The following KIAA1671 variants were observed in gnomAD, a reference collection of about 807,000 sequenced individuals.
KIAA1671 encodes the protein KIAA1671.
KIAA1671 carries 52 observed loss-of-function variants against 131.2 expected under a neutral mutation model. The observed-to-expected ratio is 0.40, with a 90% CI of 0.32 to 0.50. KIAA1671 has a LOEUF of 0.50. Ranked by LOEUF, KIAA1671 falls within the 20% of genes least tolerant of loss-of-function variation. The probability of loss-of-function intolerance (pLI) is 0.73; values close to 1 mark genes in which losing one functional copy is unlikely to be tolerated. For missense variants in KIAA1671, 2,360 were observed against 2,364.2 expected (o/e 1.00, Z 0.04); for synonymous variants, 1,003 against 961.6 (o/e 1.04, Z -0.80).
In KIAA1671 at chr22:25,190,291, G is replaced by C. The variant is rs188127686; in HGVS notation, c.5343-411G>C. On this transcript the variant is annotated intron_variant, in intron 11 of 12. Transcript: ENST00000358431. ...CCCTTGCATGCACAGTTCACAATAG[G>C]GTTCACACTCCTATGAGAATCTAAT... Among the ~76,000 whole-genome samples, 528 of 152,142 alleles carry C rather than the reference G, an allele frequency of 3.5e-3. 10 individuals are homozygous for C. Among genetic ancestry groups the C allele is most frequent in the Admixed American group, 0.019 (287 of 15,270 alleles).
At position 25,049,235 on chromosome 22, in the gene KIAA1671, G is replaced by T. The variant is rs1259970082; in HGVS notation, c.4401G>T (p.Leu1467=). 6 of 1,551,910 alleles carry T rather than the reference G, an allele frequency of 3.9e-6. No homozygotes were observed. The African/African-American group carries it at 8.2e-5, about 21-fold the overall frequency. ...TCTTGTGCTCTGTGTTTCAGGTGCT[G>T]CCACGGGACCTGGAGAAGGAGGATG... ...ESGTGDSHKV[L]PRDLEKEDAP... is the part of the protein sequence containing the mutation. Residue 1467 remains leucine, a synonymous_variant, in exon 6 of 13, where the codon CTG becomes CTT. Transcript: ENST00000358431.
chr22:25,077,740 T>G (rs759284145), intron 6 of KIAA1671, among the ~76,000 whole-genome samples: 1 of 152,188 alleles, frequency 6.6e-6, no homozygotes, highest in Non-Finnish European at 1.5e-5. Flanking sequence ...ATTGTGTTTC[T>G]AAGCTTCATG....
At position 25,069,873 on chromosome 22, in the gene KIAA1671, C is replaced by T. The variant is rs140196341; in HGVS notation, c.4530+20509C>T. The T allele has an allele frequency of 4.8e-3, 728 of 152,872 alleles. 3 individuals are homozygous for T. Among genetic ancestry groups the T allele is most frequent in the African/African-American group, 0.015 (639 of 41,586 alleles). The allele number at this position is 152,872 out of a possible 1,614,324, so 9.5% of individuals were successfully genotyped here. Reference sequence around the variant, plus strand: ...AGCACACAGTCAGTCCACACATGCACAAAACACACTCGTATGCACACATGC... The same window carrying T: ...AGCACACAGTCAGTCCACACATGCATAAAACACACTCGTATGCACACATGC... On this transcript the variant is annotated intron_variant, in intron 6 of 12. Coordinates refer to ENST00000358431, the MANE Select transcript of KIAA1671 (RefSeq NM_001145206.2).
chr22:25,039,041 T>C lies in KIAA1671; in HGVS notation c.1911T>C (p.Pro637=). ...GACGTTGTCTCTCCACCACACCCCC[T>C]GGTGACATGGCCCATGCCCGTGTCT... ...QSGRCLSTTP[P]GDMAHARVSE... The change falls in exon 5 of 13, where the codon CCT becomes CCC. Residue 637 remains proline, a synonymous_variant. Transcript: ENST00000358431. The C allele has an allele frequency of 6.4e-7, 1 of 1,551,662 alleles. No individual in the cohort carries two copies. The highest frequency in any genetic ancestry group is 1.2e-5 in the South Asian group (1 of 84,060).
intron 6 of KIAA1671, among the ~76,000 whole-genome samples, chr22:25,169,159 G>A (rs981354512): frequency 1.3e-5 from 2 of 152,092 alleles, no homozygotes; most frequent in Non-Finnish European, 1.5e-5. Flanking sequence ...ACCATGCAAT[G>A]TAATTGCAAT....
chr22:25,033,173 C>T (rs918700540), intron 4 of KIAA1671, among the ~76,000 whole-genome samples: 39 of 151,996 alleles, frequency 2.6e-4, no homozygotes, highest in African/African-American at 8.2e-4. Context: ...ATTGCTTGAG[C>T]CCAAGAGTTT....
rs140849253 is a variant in KIAA1671 at position 25,072,618 on chromosome 22, G to A, written c.4530+23254G>A. 1.8e-3 allele frequency among the ~76,000 whole-genome samples: 277 copies of A among 152,284 alleles called. 1 individual carries two copies. The East Asian group carries it at 0.021, about 12-fold the overall frequency. ...GGAAACTCTTGCTTGACCTCTCAAG[G>A]AAGCTTGGGAATGTGGACCTGGATT... On this transcript the variant is annotated intron_variant, in intron 6 of 12. Coordinates refer to ENST00000358431, the MANE Select transcript of KIAA1671 (RefSeq NM_001145206.2).
intron 9 of KIAA1671, chr22:25,179,695 A>G: frequency 1.7e-6 from 1 of 601,634 alleles, no homozygotes; most frequent in Non-Finnish European, 2.9e-6. Context: ...TAGTATATTA[A>G]TTGAGGCTCT....
intron 1 of KIAA1671, among the ~76,000 whole-genome samples, chr22:25,008,887 GT>G (rs2123873269): frequency 6.6e-6 from 1 of 152,358 alleles, no homozygotes; most frequent in African/African-American, 2.4e-5. Flanking sequence ...AAATAGGTCT[GT>G]TGTCATGCCC....
In KIAA1671 at chr22:25,181,915, C is replaced by T. The variant is rs866880086; in HGVS notation, c.5199+92C>T. On this transcript the variant is annotated intron_variant, in intron 10 of 12. Coordinates refer to ENST00000358431, the MANE Select transcript of KIAA1671 (RefSeq NM_001145206.2). ...GATTCCGGCTGGGTGCAGTGGCTCACGCCTGTAATCCCAGCACTTTGGGAG... is the reference window on the plus strand; with the variant it reads ...GATTCCGGCTGGGTGCAGTGGCTCATGCCTGTAATCCCAGCACTTTGGGAG... The T allele has an allele frequency of 4.3e-6, 6 of 1,394,776 alleles. No homozygotes were observed. The African/African-American group carries it at 4.3e-5, about 10-fold the overall frequency. The allele number at this position is 1,394,776 out of a possible 1,614,324, so 86.4% of individuals were successfully genotyped here. A position where few individuals can be genotyped will look rare whatever the true frequency, so the allele number is the denominator to read the frequency against.
chr22:25,068,669 C>T (rs915647561), intron 6 of KIAA1671, among the ~76,000 whole-genome samples: 1 of 152,166 alleles, frequency 6.6e-6, no homozygotes, highest in East Asian at 1.9e-4. Flanking sequence ...ATCTCCTGAC[C>T]TCATGATCTG....
At chr22:25,164,273 C>T (rs959286681) in intron 6 of KIAA1671, among the ~76,000 whole-genome samples, 5 of 152,238 alleles carry the variant, frequency 3.3e-5, no homozygotes, top group Non-Finnish European at 7.3e-5. Context: ...GGGTTCCAGT[C>T]TCCCCAGCTC....
chr22:25,171,726 A>T (rs573356599), intron 7 of KIAA1671, among the ~76,000 whole-genome samples: 162 of 152,132 alleles, frequency 1.1e-3, no homozygotes, highest in African/African-American at 3.0e-3. Context: ...GTCTAAAAAA[A>T]AATAATAATA....
chr22:25,163,331 A>ATTTTTTTTTTTT (rs132895), intron 6 of KIAA1671, among the ~76,000 whole-genome samples: 5 of 55,556 alleles, frequency 9.0e-5, no homozygotes, highest in African/African-American at 1.5e-4. Flanking sequence ...ATTGCCTCAA[A>ATTTTTTTTTTTT]TTTTTTTTTT....
chr22:25,017,290 G>A (rs925087661), intron 1 of KIAA1671, among the ~76,000 whole-genome samples: 1 of 152,212 alleles, frequency 6.6e-6, no homozygotes, highest in Non-Finnish European at 1.5e-5. Context: ...GGCTGAGGCA[G>A]GAGAATTGCT....
chr22:25,024,023 G>A (rs1484613938), intron 1 of KIAA1671: 1 of 152,076 alleles, frequency 6.6e-6, no homozygotes, highest in African/African-American at 2.4e-5. Context: ...ACTCATTTGT[G>A]CAACTGTGTT....
chr22:25,088,143 C>T (rs1476203548), intron 6 of KIAA1671, among the ~76,000 whole-genome samples: 10 of 151,226 alleles, frequency 6.6e-5, no homozygotes, highest in East Asian at 1.9e-4. Flanking sequence ...AGTCTCACCC[C>T]GTCGCCCAGG....
intron 4 of KIAA1671, among the ~76,000 whole-genome samples, chr22:25,033,579 T>TG (rs1350821819): frequency 0.013 from 1,505 of 118,134 alleles, 28 homozygotes; most frequent in African/African-American, 0.012. Context: ...TTTTCGTTTT[T>TG]TTTTTTTTTT....
chr22:24,978,642 A>T (rs1006784207), intron 1 of KIAA1671, among the ~76,000 whole-genome samples: 1 of 152,098 alleles, frequency 6.6e-6, no homozygotes, highest in African/African-American at 2.4e-5. Flanking sequence ...ACTTTTAAAA[A>T]TTGTGAAATA....
Sources: allele counts gnomAD v4.1 joint callset (sites outside exome capture counted in the v4.1 genomes callset), GRCh38; gene constraint gnomAD v4.1.1; transcripts MANE v1.5; gene names NCBI Gene and HGNC (gene_info 2026-07-23, HGNC 2026-07-21).